Variants in DGKH observed in about 807,000 individuals in gnomAD.
DGKH encodes the protein DAG kinase eta.
A neutral mutation model predicts 159.3 loss-of-function variants in DGKH; 90 were observed. The ratio of observed to expected loss-of-function variants is 0.57; its 90% CI spans 0.48 to 0.67. The LOEUF (loss-of-function observed/expected upper bound fraction) is 0.67. Among genes scored for constraint, DGKH ranks in the 30% least tolerant of loss-of-function variants. The pLI is 0.00. For synonymous variants in DGKH, 536 were observed against 553.8 expected, an observed-to-expected ratio of 0.97 and a Z score of 0.45; for missense variants, 1,181 against 1,506.1, an observed-to-expected ratio of 0.78 and a Z score of 3.57.
At chr13:42,146,385 A>G (rs940743595) in intron 3 of DGKH, among the ~76,000 whole-genome samples, 6 of 152,208 alleles carry the variant, frequency 3.9e-5, no homozygotes, top group African/African-American at 1.2e-4. Context: ...TAGATTCATC[A>G]GTGCCTTCAC....
rs549506705 is a variant in DGKH, at chr13:42,155,924, G to T, written c.622+125G>T. On this transcript the variant is annotated intron_variant, in intron 5 of 29. Coordinates refer to ENST00000337343, the MANE Select transcript of DGKH (RefSeq NM_178009.5). ...TAGGACTAGCTTGGAAAATATTTTTGCTCAGGAAAAAAAAACATAGTCATT... is the reference window on the plus strand; with the variant it reads ...TAGGACTAGCTTGGAAAATATTTTTTCTCAGGAAAAAAAAACATAGTCATT... 23 of 1,111,176 alleles carry T rather than the reference G, an allele frequency of 2.1e-5. 1 individual carries two copies. In the African/African-American group the frequency reaches 2.5e-4, roughly 12 times the overall value. The allele number at this position is 1,111,176 out of a possible 1,614,324, so 68.8% of individuals were successfully genotyped here.
intron 7 of DGKH, among the ~76,000 whole-genome samples, chr13:42,162,274 G>A (rs1228606924): frequency 6.6e-6 from 1 of 152,186 alleles, no homozygotes; most frequent in Non-Finnish European, 1.5e-5. Flanking sequence ...ACCTTGGGAG[G>A]CCAAGGCATG....
chr13:42,178,058 C>T, intron 12 of DGKH, 77 bp from the exon 13 acceptor site: 2 of 1,044,898 alleles, frequency 1.9e-6, no homozygotes, highest in Non-Finnish European at 2.8e-6. Context: ...ATGAAGGGTT[C>T]CATTTCTGGA....
At chr13:42,139,776 T>C (rs766993742) in intron 3 of DGKH, among the ~76,000 whole-genome samples, 3 of 152,200 alleles carry the variant, frequency 2.0e-5, no homozygotes, top group Non-Finnish European at 2.9e-5. Flanking sequence ...ATAAAAAAAA[T>C]TGGCCACTGA....
chr13:42,203,095 AAAC>A (rs1222345826), intron 20 of DGKH, among the ~76,000 whole-genome samples: 3 of 152,192 alleles, frequency 2.0e-5, no homozygotes, highest in Non-Finnish European at 4.4e-5. Flanking sequence ...TCTTTTTAAA[AAAC>A]AAAATAAATT....
At chr13:42,042,809 C>A (rs1377772986) in intron 1 of DGKH, among the ~76,000 whole-genome samples, 1 of 152,172 alleles carries the variant, frequency 6.6e-6, no homozygotes, top group African/African-American at 2.4e-5. Flanking sequence ...TTACAAGCGA[C>A]TTTATTCTAA....
At chr13:42,223,237 G>C (rs555722970) in intron 29 of DGKH, among the ~76,000 whole-genome samples, 1 of 152,090 alleles carries the variant, frequency 6.6e-6, no homozygotes, top group Non-Finnish European at 1.5e-5. Context: ...CCTTCAGACC[G>C]ATGCCTCTAA....
chr13:42,144,853 C>T (rs951002101), intron 3 of DGKH, among the ~76,000 whole-genome samples: 3 of 152,146 alleles, frequency 2.0e-5, no homozygotes, highest in Admixed American at 6.5e-5. Context: ...ATCACAGTAA[C>T]CAAGTAAAAG....
At chr13:42,247,888 A>C (rs1958593713), downstream of DGKH, among the ~76,000 whole-genome samples, 1 of 152,226 alleles carries the variant, frequency 6.6e-6, no homozygotes, top group Admixed American at 6.5e-5. Flanking sequence ...TTTGTGTTTT[A>C]ATCTAAGTGT....
chr13:42,115,911 A>G (rs1954958857), intron 1 of DGKH, among the ~76,000 whole-genome samples: 1 of 152,222 alleles, frequency 6.6e-6, no homozygotes, highest in South Asian at 2.1e-4. Flanking sequence ...CAAGAGAATT[A>G]GAGGAGCCCA....
chr13:42,208,579 C>T (rs917122861), intron 21 of DGKH, among the ~76,000 whole-genome samples: 1 of 151,842 alleles, frequency 6.6e-6, no homozygotes, highest in Non-Finnish European at 1.5e-5. Context: ...GACACTATAT[C>T]GCCTTTGTAG....
chr13:42,185,441 C>T (rs1956893771), intron 13 of DGKH, among the ~76,000 whole-genome samples: 1 of 152,198 alleles, frequency 6.6e-6, no homozygotes, highest in East Asian at 1.9e-4. Flanking sequence ...GGCACCCCTG[C>T]TGCCCTTTTC....
intron 7 of DGKH, 81 bp downstream of exon 7, chr13:42,160,217 C>T (rs2137976760): frequency 1.9e-6 from 3 of 1,594,592 alleles, no homozygotes; most frequent in African/African-American, 1.3e-5. Flanking sequence ...AGAGGCAAAG[C>T]AAAGAATTTA....
chr13:42,134,253 A>G (rs9566928), intron 3 of DGKH, among the ~76,000 whole-genome samples: 4,526 of 152,288 alleles, frequency 0.03, 116 homozygotes, highest in South Asian at 0.096. Context: ...AATTGGTATG[A>G]ATGAGTCACT....
At chr13:42,245,540 T>G (rs1958573893), downstream of DGKH, among the ~76,000 whole-genome samples, 1 of 152,146 alleles carries the variant, frequency 6.6e-6, no homozygotes, top group Admixed American at 6.5e-5. Flanking sequence ...AAACTCCAAA[T>G]AAGTTGGTTA....
intron 20 of DGKH, among the ~76,000 whole-genome samples, chr13:42,205,727 A>G (rs1166998946): frequency 6.6e-6 from 1 of 152,202 alleles, no homozygotes; most frequent in Non-Finnish European, 1.5e-5. Flanking sequence ...ATAGAGGACC[A>G]CAATGCAGGT....
chr13:42,194,822 G>A (rs1957163474), intron 16 of DGKH, 63 bp from the exon 17 acceptor site: 27 of 1,521,928 alleles, frequency 1.8e-5, no homozygotes, highest in Non-Finnish European at 2.3e-5. Context: ...TAAATTTATA[G>A]GAACGTGCTT....
chr13:42,051,388 C>G (rs1172422903), intron 1 of DGKH, among the ~76,000 whole-genome samples: 1 of 152,186 alleles, frequency 6.6e-6, no homozygotes. Context: ...CTGGACTGTT[C>G]ATGTATGTCA....
chr13:42,151,178 T>C (rs1955871541), intron 3 of DGKH, among the ~76,000 whole-genome samples: 1 of 152,146 alleles, frequency 6.6e-6, no homozygotes, highest in African/African-American at 2.4e-5. Context: ...CTTTATTACA[T>C]GGATATATTG....
Sources: allele counts gnomAD v4.1 joint callset (sites outside exome capture counted in the v4.1 genomes callset), GRCh38; gene constraint gnomAD v4.1.1; transcripts MANE v1.5; gene names NCBI Gene and HGNC (gene_info 2026-07-23, HGNC 2026-07-21).